Variants in FSIP1 observed in about 807,000 individuals in gnomAD.
The protein encoded by FSIP1 is fibrous sheath interacting protein 1.
A neutral mutation model predicts 60.9 loss-of-function variants in FSIP1; 65 were observed. That is an observed-to-expected ratio of 1.07 (90% CI 0.87 to 1.31). The LOEUF is 1.31. Ranked by LOEUF, FSIP1 falls within the 40% of genes most tolerant of loss-of-function variation. The pLI is 0.00. For synonymous variants in FSIP1, 209 were observed against 221.2 expected (o/e 0.94, Z 0.49); for missense variants, 675 against 665.5 (o/e 1.01, Z -0.16).
In FSIP1 at chr15:39,679,951, G is replaced by A. The variant is rs950431287; in HGVS notation, c.1188+33493C>T. Among the ~76,000 whole-genome samples, 7 of 152,204 alleles carry A rather than the reference G, an allele frequency of 4.6e-5. No homozygotes were observed. The South Asian group carries it at 8.3e-4, about 18-fold the overall frequency. On this transcript the variant is annotated intron_variant, in intron 10 of 11. Coordinates refer to ENST00000350221, the MANE Select transcript of FSIP1 (RefSeq NM_152597.5). ...CCTGAAACTTAGCATTCATTTGAAC[G>A]TTTATAACCACGTAACTGAAGTCTA...
At chr15:39,692,140 C>T (rs913368830) in intron 10 of FSIP1, among the ~76,000 whole-genome samples, 2 of 152,044 alleles carry the variant, frequency 1.3e-5, no homozygotes, top group East Asian at 3.9e-4. Context: ...AGTCAATAAG[C>T]AGTGTGAGGT....
At chr15:39,746,096 A>C (rs950327749) in intron 5 of FSIP1, among the ~76,000 whole-genome samples, 5 of 152,152 alleles carry the variant, frequency 3.3e-5, no homozygotes, top group Non-Finnish European at 5.9e-5. Flanking sequence ...TAAAAATTTA[A>C]AAAATTAAAA....
intron 10 of FSIP1, among the ~76,000 whole-genome samples, chr15:39,669,260 C>A (rs1244274376): frequency 1.3e-5 from 2 of 152,234 alleles, no homozygotes; most frequent in African/African-American, 4.8e-5. Context: ...CCGCCACTGA[C>A]TAGAAACCCT....
Position 39,676,120 on chromosome 15 carries a change from C to T in FSIP1, c.1188+37324G>A, listed in dbSNP as rs1337878044. On this transcript the variant is annotated intron_variant, in intron 10 of 11. Coordinates refer to ENST00000350221, the MANE Select transcript of FSIP1 (RefSeq NM_152597.5). The stretch of plus-strand genomic sequence containing the variant: ...CCCGGAAGGCGGAGGTTGCAGTGAG[C>T]CAAAATCGCGCCACTGCACTTCAGC... Among the ~76,000 whole-genome samples the T allele has an allele frequency of 2.8e-5, 4 of 142,698 alleles. No individual in the cohort carries two copies. The South Asian group carries it at 6.7e-4, about 24-fold the overall frequency. 93.6% of individuals were successfully genotyped at this position (142,698 alleles called of 152,430 possible).
chr15:39,708,383 G>A (rs1370517270), intron 10 of FSIP1, among the ~76,000 whole-genome samples: 1 of 152,162 alleles, frequency 6.6e-6, no homozygotes, highest in African/African-American at 2.4e-5. Flanking sequence ...TGAATACTTA[G>A]TCCCAGACAG....
chr15:39,650,579 G>A (rs1232632047), intron 10 of FSIP1, among the ~76,000 whole-genome samples: 1 of 152,144 alleles, frequency 6.6e-6, no homozygotes, highest in East Asian at 1.9e-4. Flanking sequence ...GATCTTTGAT[G>A]GCTGAGACAG....
chr15:39,706,700 G>A (rs1356431163), intron 10 of FSIP1, among the ~76,000 whole-genome samples: 1 of 152,106 alleles, frequency 6.6e-6, no homozygotes, highest in African/African-American at 2.4e-5. Flanking sequence ...TTTAAATACT[G>A]TGTGTTACAA....
intron 10 of FSIP1, among the ~76,000 whole-genome samples, chr15:39,649,408 A>T (rs141852071): frequency 2.0e-5 from 3 of 152,320 alleles, no homozygotes; most frequent in East Asian, 3.9e-4. Context: ...ATCTCCAAGA[A>T]CATTTGTCCC....
intron 10 of FSIP1, among the ~76,000 whole-genome samples, chr15:39,661,780 G>C (rs1351215925): frequency 6.6e-6 from 1 of 152,054 alleles, no homozygotes; most frequent in African/African-American, 2.4e-5. Flanking sequence ...ATTAATTTTT[G>C]GGTCATATCA....
At chr15:39,670,657 T>A (rs1171235246) in intron 10 of FSIP1, among the ~76,000 whole-genome samples, 1 of 152,194 alleles carries the variant, frequency 6.6e-6, no homozygotes, top group African/African-American at 2.4e-5. Context: ...CAGAAACAGC[T>A]GCCAGGTTTT....
chr15:39,777,217 C>T (rs1002325356), intron 1 of FSIP1, among the ~76,000 whole-genome samples: 8 of 152,086 alleles, frequency 5.3e-5, no homozygotes, highest in East Asian at 3.9e-4. Context: ...TACTTTCTTT[C>T]GGTTTTGCCT....
Position 39,726,766 on chromosome 15 carries a change from C to T in FSIP1, c.892-19G>A, listed in dbSNP as rs200318488. The T allele has an allele frequency of 3.0e-5, 49 of 1,609,496 alleles. No homozygotes were observed. In the East Asian group the frequency reaches 1.0e-3, roughly 34 times the overall value. On this transcript the variant is annotated intron_variant, in intron 8 of 11. Coordinates refer to ENST00000350221, the MANE Select transcript of FSIP1 (RefSeq NM_152597.5). ...GATCACCCTAAGAGGAAACAAGGGT[C>T]ACCAGGTCATTCTCAGGCTATATTT...
chr15:39,710,278 T>C (rs1255278894), intron 10 of FSIP1, among the ~76,000 whole-genome samples: 7 of 151,160 alleles, frequency 4.6e-5, no homozygotes, highest in South Asian at 2.1e-4. Context: ...AGCCCAGGAG[T>C]TAGAGACAAG....
At chr15:39,640,162 A>T (rs1892304067) in intron 10 of FSIP1, among the ~76,000 whole-genome samples, 1 of 152,234 alleles carries the variant, frequency 6.6e-6, no homozygotes, top group Admixed American at 6.5e-5. Context: ...TAACAGGGAG[A>T]GGCTGAAAGG....
At chr15:39,678,143 AG>A (rs775186225) in intron 10 of FSIP1, among the ~76,000 whole-genome samples, 1 of 152,158 alleles carries the variant, frequency 6.6e-6, no homozygotes, top group Non-Finnish European at 1.5e-5. Flanking sequence ...TTATATCTGT[AG>A]GAAAAAAAGT....
intron 10 of FSIP1, among the ~76,000 whole-genome samples, chr15:39,654,095 A>C (rs1892980263): frequency 6.6e-6 from 1 of 152,194 alleles, no homozygotes. Flanking sequence ...CTCCTACGAC[A>C]ACAATGTCTT....
chr15:39,621,306 C>G (rs1315698261), intron 10 of FSIP1, among the ~76,000 whole-genome samples: 1 of 152,208 alleles, frequency 6.6e-6, no homozygotes, highest in African/African-American at 2.4e-5. Context: ...TGAATCTTCA[C>G]TGGCTTCATG....
intron 10 of FSIP1, among the ~76,000 whole-genome samples, chr15:39,664,971 C>A (rs1435279084): frequency 6.6e-6 from 1 of 152,200 alleles, no homozygotes; most frequent in Non-Finnish European, 1.5e-5. Flanking sequence ...ATCTTGTTCA[C>A]CTGGCTGTCT....
At chr15:39,658,286 G>A (rs989292862) in intron 10 of FSIP1, among the ~76,000 whole-genome samples, 23 of 131,254 alleles carry the variant, frequency 1.8e-4, no homozygotes, top group African/African-American at 6.4e-4. Context: ...ATGGAGTCTC[G>A]CTGTCACCCA....
Sources: allele counts gnomAD v4.1 joint callset (sites outside exome capture counted in the v4.1 genomes callset), GRCh38; gene constraint gnomAD v4.1.1; transcripts MANE v1.5; gene names NCBI Gene and HGNC (gene_info 2026-07-23, HGNC 2026-07-21).